PCDHGB1: variants seen among roughly 807,000 people sequenced by gnomAD.
The protein encoded by PCDHGB1 is protocadherin gamma-B1.
PCDHGB1 carries 34 observed loss-of-function variants against 56.6 expected under a neutral mutation model. That is an observed-to-expected ratio of 0.60 (90% CI 0.46 to 0.80). The LOEUF (loss-of-function observed/expected upper bound fraction) is 0.80. PCDHGB1 is among the 30% of genes least tolerant of loss of function. PCDHGB1 has a pLI of 0.00. For synonymous variants in PCDHGB1, 561 were observed against 505.9 expected, an observed-to-expected ratio of 1.11 and a Z score of -1.46; for missense variants, 1,278 against 1,204.6, an observed-to-expected ratio of 1.06 and a Z score of -0.90.
At chr5:141,404,391 A>C (rs773558298) in intron 1 of PCDHGB1, 1 of 1,613,924 alleles carries the variant, frequency 6.2e-7, no homozygotes, top group South Asian at 1.1e-5. Context: ...TATGACCCTG[A>C]TAGCAATGAG....
At chr5:141,510,785 C>G (rs951225541) in intron 3 of PCDHGB1, among the ~76,000 whole-genome samples, 162 bp from the exon 4 acceptor site, 1 of 152,150 alleles carries the variant, frequency 6.6e-6, no homozygotes, top group Non-Finnish European at 1.5e-5. Flanking sequence ...ACCCTCAACT[C>G]TTGTGAAGAG....
intron 1 of PCDHGB1, among the ~76,000 whole-genome samples, chr5:141,358,847 A>G (rs1279755498): frequency 6.6e-6 from 1 of 152,176 alleles, no homozygotes; most frequent in Non-Finnish European, 1.5e-5. Context: ...TATTGCTACA[A>G]ATTGCTTTCA....
At chr5:141,405,054 C>T (rs773491411) in intron 1 of PCDHGB1, 7 of 1,613,806 alleles carry the variant, frequency 4.3e-6, no homozygotes, top group Admixed American at 1.7e-5. Flanking sequence ...GCAGTCGTCT[C>T]CTGTGTCTTC....
chr5:141,368,928 C>T (rs190760255), intron 1 of PCDHGB1, among the ~76,000 whole-genome samples: 45 of 152,290 alleles, frequency 3.0e-4, no homozygotes, highest in Middle Eastern at 3.4e-3. Flanking sequence ...GAGTGTCTGT[C>T]TAGAATTCTG....
intron 1 of PCDHGB1, chr5:141,365,998 C>T (rs374639173): frequency 1.0e-4 from 166 of 1,614,116 alleles, no homozygotes; most frequent in Non-Finnish European, 1.2e-4. Context: ...TGGACCAGAA[C>T]GACAATACGC....
At chr5:141,356,909 A>G (rs748015805) in intron 1 of PCDHGB1, 23 of 1,613,988 alleles carry the variant, frequency 1.4e-5, no homozygotes, top group Non-Finnish European at 1.8e-5. Flanking sequence ...TTCCCTACTG[A>G]TGGCTCCACT....
intron 1 of PCDHGB1, chr5:141,388,223 A>G: frequency 6.2e-7 from 1 of 1,602,840 alleles, no homozygotes; most frequent in Non-Finnish European, 8.5e-7. Context: ...CTGAAAATCC[A>G]CTGAACTTTT....
rs759346998 is a variant in PCDHGB1 at position 141,410,849 on chromosome 5, C to CTTTTTTTTTTTTT, written c.2409+58190_2409+58202dup. 1.9e-3 allele frequency: 267 copies of CTTTTTTTTTTTTT among 138,158 alleles called. 27 individuals carry two copies. The highest frequency in any genetic ancestry group is 5.5e-3 in the African/African-American group (91 of 16,622). 8.6% of individuals were successfully genotyped at this position (138,158 alleles called of 1,614,324 possible). A position where few individuals can be genotyped will look rare whatever the true frequency, so the allele number is the denominator to read the frequency against. ...CAGACTGAAGATATTTTGTCTTTGT[C>CTTTTTTTTTTTTT]TTTTTTTTTTTTTTTTTTTTTTGAG... On this transcript the variant is annotated intron_variant, in intron 1 of 3. Coordinates refer to ENST00000523390, the MANE Select transcript of PCDHGB1 (RefSeq NM_018922.3).
chr5:141,457,273 G>A (rs746102734), intron 1 of PCDHGB1, among the ~76,000 whole-genome samples: 7 of 152,144 alleles, frequency 4.6e-5, no homozygotes, highest in Admixed American at 1.3e-4. Context: ...CCCTCTGTGG[G>A]CCTACGAAGT....
chr5:141,365,125 C>T, intron 1 of PCDHGB1: 2 of 1,613,882 alleles, frequency 1.2e-6, no homozygotes, highest in Non-Finnish European at 1.7e-6. Context: ...TCATGCTAAC[C>T]GCCACGGATC....
intron 1 of PCDHGB1, among the ~76,000 whole-genome samples, chr5:141,400,862 A>C (rs1239905125): frequency 6.6e-6 from 1 of 152,224 alleles, no homozygotes; most frequent in African/African-American, 2.4e-5. Context: ...TTGTATGTAG[A>C]TAAACCATTA....
chr5:141,495,470 C>A (rs2099761615), intron 2 of PCDHGB1, among the ~76,000 whole-genome samples: 1 of 152,196 alleles, frequency 6.6e-6, no homozygotes, highest in African/African-American at 2.4e-5. Flanking sequence ...GTGGGGTCTC[C>A]GTGTCTCTGC....
intron 2 of PCDHGB1, among the ~76,000 whole-genome samples, chr5:141,497,859 G>A (rs188372194): frequency 2.0e-4 from 31 of 152,134 alleles, no homozygotes; most frequent in Middle Eastern, 6.8e-3. Context: ...TTGATTCAGC[G>A]GCTCCAAAGT....
intron 1 of PCDHGB1, chr5:141,419,843 C>T: frequency 6.2e-7 from 1 of 1,614,070 alleles, no homozygotes; most frequent in Non-Finnish European, 8.5e-7. Flanking sequence ...CACGCTGCAC[C>T]TGGTGTTCGC....
rs1240258760 is a variant in PCDHGB1 at position 141,423,933 on chromosome 5, GAAGT to G, written c.2410-70869_2410-70866del. On this transcript the variant is annotated intron_variant, in intron 1 of 3. Coordinates refer to ENST00000523390, the MANE Select transcript of PCDHGB1 (RefSeq NM_018922.3). The stretch of plus-strand genomic sequence containing the variant: ...CCATTCAACTATGCTGGTTTGGTTT[GAAGT>G]AAGTTGAATTTTAGTATTATTTTTC... 5 of 1,226,500 alleles carry G rather than the reference GAAGT, an allele frequency of 4.1e-6. No homozygotes were observed. The African/African-American group carries it at 7.9e-5, about 19-fold the overall frequency. The allele number at this position is 1,226,500 out of a possible 1,614,324, so 76.0% of individuals were successfully genotyped here. A position where few individuals can be genotyped will look rare whatever the true frequency, so the allele number is the denominator to read the frequency against.
chr5:141,484,123 T>C (rs2099592351), intron 1 of PCDHGB1, among the ~76,000 whole-genome samples: 1 of 152,174 alleles, frequency 6.6e-6, no homozygotes, highest in South Asian at 2.1e-4. Flanking sequence ...AAGAATACCT[T>C]GGTGTCAGAT....
In PCDHGB1 at chr5:141,391,294, C is replaced by T. The variant is rs1189563844; in HGVS notation, c.2409+38625C>T. On this transcript the variant is annotated intron_variant, in intron 1 of 3. Transcript: ENST00000523390. Reference sequence around the variant, plus strand: ...TTTACAAATTGCTGAAAGAAGGAAACGTCTTTCGATTCTTTTTTTTTTCTT... The same window carrying T: ...TTTACAAATTGCTGAAAGAAGGAAATGTCTTTCGATTCTTTTTTTTTTCTT... 5.9e-5 allele frequency: 9 copies of T among 151,668 alleles called. 2 individuals are homozygous for T. The highest frequency in any genetic ancestry group is 5.3e-4 in the Admixed American group (8 of 15,220). 9.4% of individuals were successfully genotyped at this position (151,668 alleles called of 1,614,324 possible).
chr5:141,447,658 A>C (rs114314834), intron 1 of PCDHGB1, among the ~76,000 whole-genome samples: 3,576 of 152,302 alleles, frequency 0.023, 90 homozygotes, highest in Non-Finnish European at 0.03. Context: ...TTTCCCCCCC[A>C]GGAAGTTAGA....
At position 141,350,941 on chromosome 5, in the gene PCDHGB1, C is replaced by T. The variant is rs374757232; in HGVS notation, c.681C>T (p.Ile227=). 4.4e-5 allele frequency: 71 copies of T among 1,613,958 alleles called. 1 individual carries two copies. Among genetic ancestry groups the T allele is most frequent in the Admixed American group, 2.5e-4 (15 of 60,010 alleles). ...PPLSGTTHIW[I]RVTDANDNAP... is the part of the protein sequence containing the mutation. ...TAAGCGGCACCACCCATATCTGGAT[C>T]CGAGTTACGGATGCCAATGATAATG... is the stretch of plus-strand genomic sequence containing the variant. Residue 227 remains isoleucine, a synonymous_variant, in exon 1 of 4, where the codon ATC becomes ATT. Coordinates refer to ENST00000523390, the MANE Select transcript of PCDHGB1 (RefSeq NM_018922.3).
Sources: gnomAD v4.1 joint callset for allele counts (sites outside exome capture counted in the v4.1 genomes callset) on GRCh38, gnomAD v4.1.1 for gene constraint, MANE v1.5 for transcripts, NCBI Gene and HGNC (gene_info 2026-07-23, HGNC 2026-07-21) for gene names.